SLIT1: variants seen among roughly 807,000 people sequenced by gnomAD.
SLIT1 encodes the protein slit guidance ligand 1, also known as slit homolog 1 protein.
SLIT1 carries 66 observed loss-of-function variants against 186.1 expected under a neutral mutation model. The observed-to-expected ratio is 0.35, with a 90% CI of 0.29 to 0.44. The LOEUF (loss-of-function observed/expected upper bound fraction) is 0.44. Ranked by LOEUF, SLIT1 falls within the 20% of genes least tolerant of loss-of-function variation. The pLI is 1.00. For synonymous variants in SLIT1, 761 were observed against 833.8 expected (o/e 0.91, Z 1.50); for missense variants, 1,638 against 2,037.4 (o/e 0.80, Z 3.77).
chr10:97,132,381 G>A (rs528427170), intron 4 of SLIT1, among the ~76,000 whole-genome samples: 5 of 152,264 alleles, frequency 3.3e-5, no homozygotes, highest in African/African-American at 1.2e-4. Context: ...TCTTTCCCAC[G>A]GTGACCCTTC....
intron 7 of SLIT1, 86 bp downstream of exon 7, chr10:97,064,082 T>G: frequency 8.8e-7 from 1 of 1,131,000 alleles, no homozygotes; most frequent in Non-Finnish European, 1.3e-6. Flanking sequence ...ATGACCTGTC[T>G]GCAAAACCTT....
intron 1 of SLIT1, among the ~76,000 whole-genome samples, chr10:97,168,521 C>T (rs7903882): frequency 0.012 from 1,831 of 152,236 alleles, 27 homozygotes; most frequent in African/African-American, 0.042. Context: ...AATGTTACCC[C>T]CTCCTTCCAC....
intron 4 of SLIT1, chr10:97,157,213 T>C (rs1849963465): frequency 6.6e-6 from 1 of 152,222 alleles, no homozygotes; most frequent in South Asian, 2.1e-4. Context: ...TCAAAGGTCT[T>C]GTCCAACCCA....
chr10:97,119,941 A>ATATATG (rs1554852204), intron 4 of SLIT1, among the ~76,000 whole-genome samples: 24 of 137,228 alleles, frequency 1.7e-4, no homozygotes, highest in African/African-American at 5.0e-4. Context: ...ATATATATAT[A>ATATATG]TATATGTATA....
At chr10:97,086,411 A>G (rs1291838639) in intron 4 of SLIT1, among the ~76,000 whole-genome samples, 1 of 151,990 alleles carries the variant, frequency 6.6e-6, no homozygotes, top group Non-Finnish European at 1.5e-5. Flanking sequence ...CTCTACTAAA[A>G]AAAAAAAAAT....
chr10:97,074,363 C>A (rs2134648588), intron 4 of SLIT1, among the ~76,000 whole-genome samples: 1 of 152,314 alleles, frequency 6.6e-6, no homozygotes, highest in African/African-American at 2.4e-5. Flanking sequence ...AGCTCAGGGC[C>A]AGACAGGCTG....
intron 4 of SLIT1, among the ~76,000 whole-genome samples, chr10:97,148,702 T>G (rs1013793644): frequency 6.6e-6 from 1 of 152,238 alleles, no homozygotes; most frequent in Non-Finnish European, 1.5e-5. Context: ...AATGTTCACT[T>G]TCTAGCAAAA....
At position 97,010,500 on chromosome 10, in the gene SLIT1, C is replaced by A. The variant is rs911755714; in HGVS notation, c.3341+493G>T. 6.6e-6 allele frequency among the ~76,000 whole-genome samples: 1 copy of A among 152,210 alleles called. No individual in the cohort carries two copies. Among genetic ancestry groups the A allele is most frequent in the Non-Finnish European group, 1.5e-5 (1 of 68,044 alleles). On this transcript the variant is annotated intron_variant, in intron 31 of 36. Coordinates refer to ENST00000266058, the MANE Select transcript of SLIT1 (RefSeq NM_003061.3). The surrounding 1 kb of genome is among the most constrained non-coding windows in gnomAD (Gnocchi z 4.8). ...ATTGGTTGTGGTGATGGATACACAA[C>A]TCTGGGAATAAACTAAAAGTCATGG...
intron 4 of SLIT1, among the ~76,000 whole-genome samples, chr10:97,110,827 T>C (rs991987967): frequency 6.6e-6 from 1 of 152,248 alleles, no homozygotes; most frequent in Admixed American, 6.5e-5. Flanking sequence ...TTTATTATTA[T>C]GCTTTGCCAC....
chr10:97,035,483 A>G (rs1286172675), intron 22 of SLIT1, among the ~76,000 whole-genome samples: 1 of 151,718 alleles, frequency 6.6e-6, no homozygotes, highest in African/African-American at 2.4e-5. Flanking sequence ...CATCCCACCC[A>G]TCTGATCCGC....
intron 4 of SLIT1, among the ~76,000 whole-genome samples, chr10:97,147,321 T>C (rs945343904): frequency 1.3e-5 from 2 of 152,196 alleles, no homozygotes; most frequent in Non-Finnish European, 2.9e-5. Flanking sequence ...ATTGGGGATG[T>C]TGAAAACATT....
In SLIT1 at chr10:97,001,160, G is replaced by A. The variant is rs759690855; in HGVS notation, c.4557C>T (p.Ala1519=). 29 of 1,613,090 alleles carry A rather than the reference G, an allele frequency of 1.8e-5. No individual in the cohort carries two copies. The highest frequency in any genetic ancestry group is 1.6e-4 in the Middle Eastern group (1 of 6,080). Residue 1519 remains alanine, a synonymous_variant, in exon 37 of 37, where the codon GCC becomes GCT. Transcript: ENST00000266058. The part of the protein sequence containing the change: ...TFECSDGTSF[A]EEVEKPTKCG... ...ACTTGGTGGGCTTTTCCACCTCCTC[G>A]GCAAAAGAGGTCCCATCGCTGCACT...
In SLIT1 at chr10:97,068,855, C is replaced by A. The variant is rs1186953698; in HGVS notation, c.414-2769G>T. Among the ~76,000 whole-genome samples, 5 of 152,230 alleles carry A rather than the reference C, an allele frequency of 3.3e-5. No homozygotes were observed. Among genetic ancestry groups the A allele is most frequent in the Admixed American group, 3.3e-4 (5 of 15,280 alleles). ...TCCCCAGAGGGCCCCCAGTGGCCTA[C>A]TCCCCGATGCCTGTCTTTATGCAGC... On this transcript the variant is annotated intron_variant, in intron 4 of 36. Coordinates refer to ENST00000266058, the MANE Select transcript of SLIT1 (RefSeq NM_003061.3). The surrounding 1 kb of genome is among the most constrained non-coding windows in gnomAD (Gnocchi z 4.2).
At chr10:97,017,041 G>A (rs1043621964) in intron 28 of SLIT1, among the ~76,000 whole-genome samples, 4 of 152,180 alleles carry the variant, frequency 2.6e-5, no homozygotes, top group Admixed American at 2.0e-4. Flanking sequence ...GGGTTGAGGG[G>A]TAACTCGTGG....
intron 1 of SLIT1, among the ~76,000 whole-genome samples, chr10:97,170,926 C>T (rs1001528196): frequency 6.6e-6 from 1 of 152,136 alleles, no homozygotes; most frequent in African/African-American, 2.4e-5. Flanking sequence ...TCTGGGGGCT[C>T]CTGGCACCAG....
In SLIT1 at chr10:97,019,102, G is replaced by C. The variant is rs745383518; in HGVS notation, c.2752C>G (p.Pro918Ala). 1 of 1,611,430 alleles carries C rather than the reference G, an allele frequency of 6.2e-7. No homozygotes were observed. ...CACTTGGCCTGGACAGCCAGCGTTG[G>C]AGGACCTGCAGCAAGGGGAGGGTGC... ...PAKKFECQGPPTLAVQAKCDL... is the reference protein window; with the variant it reads ...PAKKFECQGPATLAVQAKCDL... Residue 918 changes from proline (P) to alanine (A), a missense_variant, in exon 27 of 37, where the codon CCA becomes GCA. Physicochemically the swap from Pro to Ala is conservative, Grantham distance 27 (BLOSUM62 -1). Around this residue, in one of 3 missense-constraint regions of SLIT1, gnomAD observed 1,245 missense variants for 1,535.3 expected, o/e 0.81. Coordinates refer to ENST00000266058, the MANE Select transcript of SLIT1 (RefSeq NM_003061.3).
intron 28 of SLIT1, among the ~76,000 whole-genome samples, chr10:97,016,323 G>A (rs1186610373): frequency 1.3e-5 from 2 of 151,982 alleles, no homozygotes; most frequent in South Asian, 2.1e-4. Context: ...AAAAAAAAGT[G>A]TCAAAATGAT....
intron 26 of SLIT1, among the ~76,000 whole-genome samples, chr10:97,020,517 A>G (rs1207987937): frequency 6.6e-6 from 1 of 152,262 alleles, no homozygotes; most frequent in African/African-American, 2.4e-5. Context: ...GGCCCCCCGG[A>G]GCCGTTACGG....
Position 97,024,483 on chromosome 10 carries a change from G to T in SLIT1, c.2583-3070C>A, listed in dbSNP as rs868135198. 1.6e-4 allele frequency among the ~76,000 whole-genome samples: 25 copies of T among 152,334 alleles called. No homozygotes were observed. The South Asian group carries it at 1.7e-3, about 10-fold the overall frequency. On this transcript the variant is annotated intron_variant, in intron 25 of 36. Transcript: ENST00000266058. ...CAACACAGCTCAGAAAAGAGAGCAGGTTCGACCTCGGCATGTGTTTCATTT... is the reference window on the plus strand; with the variant it reads ...CAACACAGCTCAGAAAAGAGAGCAGTTTCGACCTCGGCATGTGTTTCATTT...
Sources: gnomAD v4.1 joint callset for allele counts (sites outside exome capture counted in the v4.1 genomes callset) on GRCh38, gnomAD v4.1.1 for gene constraint, gnomAD v4.1.1 regional missense constraint, Gnocchi (gnomAD v3.1) non-coding constraint, MANE v1.5 for transcripts, NCBI Gene and HGNC (gene_info 2026-07-23, HGNC 2026-07-21) for gene names.